The following ERICH6B variants were observed in gnomAD, a reference collection of about 807,000 sequenced individuals.
The protein encoded by ERICH6B is glutamate-rich protein 6B.
A neutral mutation model predicts 80.0 loss-of-function variants in ERICH6B; 69 were observed. The observed-to-expected ratio is 0.86, with a 90% CI of 0.71 to 1.05. The LOEUF (loss-of-function observed/expected upper bound fraction) is 1.05. Ranked by LOEUF, ERICH6B falls within the 50% of genes least tolerant of loss-of-function variation. The pLI is 0.00. For missense variants in ERICH6B, 754 were observed against 796.1 expected (o/e 0.95, Z 0.64); for synonymous variants, 283 against 291.9 (o/e 0.97, Z 0.31).
chr13:45,578,678 G>T (rs1342225517), intron 7 of ERICH6B, among the ~76,000 whole-genome samples: 17 of 152,174 alleles, frequency 1.1e-4, no homozygotes, highest in Admixed American at 1.1e-3. Flanking sequence ...TGGGCTGGTG[G>T]CTGCTATGGA....
At chr13:45,590,840 G>T (rs554027392) in intron 3 of ERICH6B, 143 bp from the exon 4 acceptor site, 12 of 619,960 alleles carry the variant, frequency 1.9e-5, no homozygotes, top group African/African-American at 1.7e-4. Context: ...TCTCTTAATG[G>T]TTTCCTTTAA....
Position 45,541,536 on chromosome 13 carries a change from A to C in ERICH6B, c.2017T>G (p.Phe673Val). 1 of 1,552,046 alleles carries C rather than the reference A, an allele frequency of 6.4e-7. No homozygotes were observed. Among genetic ancestry groups the C allele is most frequent in the East Asian group, 2.4e-5 (1 of 40,908 alleles). The change falls in exon 15 of 15, where the codon TTC (phenylalanine) becomes GTC (valine). Residue 673 changes from phenylalanine (F) to valine (V), a missense_variant. Phe to Val is a conservative substitution (Grantham distance 50). Transcript: ENST00000298738. ...AGTGATATACTGACGGCCTCTATGA[A>C]GTTTTCCAGATCAGGGGTGGTCGCG... ...NYATTPDLENFIEAVSISLMD... is the reference protein window; with the variant it reads ...NYATTPDLENVIEAVSISLMD...
intron 14 of ERICH6B, among the ~76,000 whole-genome samples, chr13:45,543,805 C>A (rs1366070900): frequency 6.6e-6 from 1 of 152,138 alleles, no homozygotes; most frequent in Non-Finnish European, 1.5e-5. Flanking sequence ...CTTGAACTTC[C>A]AGGGGATCAT....
rs568647116 is a variant in ERICH6B, at chr13:45,566,461, G to A, written c.1187+1854C>T. On this transcript the variant is annotated intron_variant, in intron 9 of 14. Transcript: ENST00000298738. ...GAGGAAGAAATGGTTTCATGGGCCA[G>A]GCCCAGGGTCCCTGTGTTGTGTGCG... Among the ~76,000 whole-genome samples the A allele has an allele frequency of 4.6e-5, 7 of 152,358 alleles. No individual in the cohort carries two copies. The East Asian group carries it at 1.4e-3, about 29-fold the overall frequency.
At position 45,590,641 on chromosome 13, in the gene ERICH6B, A is replaced by C; in HGVS notation, c.686+8T>G. On this transcript the variant is annotated splice_region_variant and intron_variant, in intron 4 of 14. Transcript: ENST00000298738. ...TCCACCTGATTTATCCCAAAAGAAA[A>C]CTGTTACCTTGCATCACGAAGAAGC... 1 of 1,550,926 alleles carries C rather than the reference A, an allele frequency of 6.4e-7. No homozygotes were observed.
intron 2 of ERICH6B, among the ~76,000 whole-genome samples, chr13:45,598,732 T>C (rs919188003): frequency 6.6e-6 from 1 of 152,116 alleles, no homozygotes; most frequent in African/African-American, 2.4e-5. Context: ...CCAGATCCCC[T>C]TTTCAAAGAA....
intron 7 of ERICH6B, among the ~76,000 whole-genome samples, chr13:45,577,276 CTT>C (rs34244794): frequency 3.6e-4 from 31 of 86,084 alleles, no homozygotes; most frequent in Middle Eastern, 0.012. Flanking sequence ...AAAAACAAAT[CTT>C]TTTTTTTTTT....
chr13:45,579,789 C>T (rs766995317), intron 7 of ERICH6B, 144 bp downstream of exon 7: 14 of 696,362 alleles, frequency 2.0e-5, no homozygotes, highest in Admixed American at 1.6e-4. Context: ...GTTTGGGGTC[C>T]GTGTGCCCAG....
intron 2 of ERICH6B, among the ~76,000 whole-genome samples, chr13:45,604,696 AC>A (rs1566306856): frequency 0.04 from 6,051 of 151,892 alleles, 404 homozygotes; most frequent in African/African-American, 0.14. Context: ...GCTGGAAAAA[AC>A]AAACAAACAA....
chr13:45,589,511 T>C (rs1229850728), intron 4 of ERICH6B, among the ~76,000 whole-genome samples: 1 of 152,076 alleles, frequency 6.6e-6, no homozygotes, highest in Non-Finnish European at 1.5e-5. Context: ...GCTGGGTAAA[T>C]ATACATTTCA....
At chr13:45,570,368 C>G (rs1044279958) in intron 8 of ERICH6B, among the ~76,000 whole-genome samples, 1 of 152,124 alleles carries the variant, frequency 6.6e-6, no homozygotes, top group African/African-American at 2.4e-5. Flanking sequence ...GAGGCTGAGG[C>G]GGGTGGATCA....
chr13:45,551,858 C>G (rs1294082882), intron 11 of ERICH6B, among the ~76,000 whole-genome samples: 1 of 152,140 alleles, frequency 6.6e-6, no homozygotes, highest in Non-Finnish European at 1.5e-5. Flanking sequence ...GAAACAAGAA[C>G]CCCCTTGCCA....
intron 8 of ERICH6B, 118 bp downstream of exon 8, chr13:45,574,724 A>G (rs1875307840): frequency 1.3e-6 from 1 of 752,446 alleles, no homozygotes. Flanking sequence ...ATATGAAGCA[A>G]AAAGAAAACC....
chr13:45,555,948 C>T (rs921241929), intron 11 of ERICH6B, among the ~76,000 whole-genome samples: 8 of 148,616 alleles, frequency 5.4e-5, no homozygotes, highest in Admixed American at 4.1e-4. Flanking sequence ...GGCCTCAGGG[C>T]CTTTGCACTT....
At chr13:45,543,527 G>T (rs905722883) in intron 14 of ERICH6B, among the ~76,000 whole-genome samples, 3 of 152,184 alleles carry the variant, frequency 2.0e-5, no homozygotes, top group Non-Finnish European at 4.4e-5. Context: ...GAAGAAGGCT[G>T]TGTGAAGGTG....
chr13:45,574,184 A>G (rs1465730891), intron 8 of ERICH6B, among the ~76,000 whole-genome samples: 2 of 152,214 alleles, frequency 1.3e-5, no homozygotes, highest in African/African-American at 4.8e-5. Flanking sequence ...AGTACCTACA[A>G]TCTGAGAAGT....
chr13:45,606,535 A>T (rs1593329141), intron 2 of ERICH6B, among the ~76,000 whole-genome samples: 4 of 14,458 alleles, frequency 2.8e-4, no homozygotes, highest in African/African-American at 3.9e-4. Context: ...ATATATATAT[A>T]TATATATATA....
At chr13:45,550,433 A>G (rs1414386052) in intron 11 of ERICH6B, 117 bp from the exon 12 acceptor site, 1 of 755,852 alleles carries the variant, frequency 1.3e-6, no homozygotes, top group Non-Finnish European at 2.2e-6. Context: ...GTGCTACCTC[A>G]TCAACTTGCT....
At chr13:45,556,444 G>T (rs1437266587) in intron 11 of ERICH6B, among the ~76,000 whole-genome samples, 1 of 151,988 alleles carries the variant, frequency 6.6e-6, no homozygotes, top group Admixed American at 6.6e-5. Context: ...GGTGGTATTT[G>T]GTTACACAAG....
Sources: allele counts gnomAD v4.1 joint callset (sites outside exome capture counted in the v4.1 genomes callset), GRCh38; gene constraint gnomAD v4.1.1; transcripts MANE v1.5; gene names NCBI Gene and HGNC (gene_info 2026-07-23, HGNC 2026-07-21).